Variants in HAPLN1 observed in about 807,000 individuals in gnomAD.
HAPLN1 encodes hyaluronan and proteoglycan link protein 1.
Under a neutral mutation model 36.5 loss-of-function variants are expected in HAPLN1, and 13 were observed. The observed-to-expected ratio is 0.36, with a 90% CI of 0.23 to 0.57. The LOEUF (loss-of-function observed/expected upper bound fraction) is 0.57, where lower values mean the gene tolerates loss of function less well. HAPLN1 is among the 20% of genes least tolerant of loss of function. The probability of loss-of-function intolerance (pLI) is 0.83; values close to 1 mark genes in which losing one functional copy is unlikely to be tolerated. For missense variants in HAPLN1, 407 were observed against 439.7 expected, an observed-to-expected ratio of 0.93 and a Z score of 0.66; for synonymous variants, 202 against 169.8, an observed-to-expected ratio of 1.19 and a Z score of -1.48.
At chr5:83,643,030 A>G (rs1749748727) in intron 4 of HAPLN1, among the ~76,000 whole-genome samples, 1 of 152,106 alleles carries the variant, frequency 6.6e-6, no homozygotes, top group Admixed American at 6.5e-5. Context: ...CCCTTTACAG[A>G]AAAAGATTGT....
chr5:83,672,970 T>C (rs1011073660), intron 2 of HAPLN1, among the ~76,000 whole-genome samples: 1 of 152,226 alleles, frequency 6.6e-6, no homozygotes, highest in Non-Finnish European at 1.5e-5. Context: ...CTGAAGCAGA[T>C]TATAATAGGG....
rs1285603044 is a variant in HAPLN1 at position 83,640,809 on chromosome 5, G to A, written c.*687C>T. ...TAAGAAGGTAGAAGTCTTTTTCATTGGTTAAATATTATCTGCTTATTTATG... is the reference window on the plus strand; with the variant it reads ...TAAGAAGGTAGAAGTCTTTTTCATTAGTTAAATATTATCTGCTTATTTATG... On this transcript the variant is annotated 3_prime_UTR_variant, in exon 5 of 5. Coordinates refer to ENST00000274341, the MANE Select transcript of HAPLN1 (RefSeq NM_001884.4). 2 of 151,674 alleles carry A rather than the reference G, an allele frequency of 1.3e-5. No individual in the cohort carries two copies. Among genetic ancestry groups the A allele is most frequent in the Non-Finnish European group, 2.9e-5 (2 of 67,920 alleles). The allele number at this position is 151,674 out of a possible 1,614,324, so 9.4% of individuals were successfully genotyped here.
At position 83,679,680 on chromosome 5, in the gene HAPLN1, A is replaced by C. The variant is rs984025841; in HGVS notation, c.-26-6131T>G. Among the ~76,000 whole-genome samples the C allele has an allele frequency of 8.5e-5, 13 of 152,316 alleles. No individual in the cohort carries two copies. The South Asian group carries it at 2.5e-3, about 29-fold the overall frequency. ...CTTACAACTATACTAGGAAAACAGTAACATGTAAATTGGAGCTATCCTGGA... is the reference window on the plus strand; with the variant it reads ...CTTACAACTATACTAGGAAAACAGTCACATGTAAATTGGAGCTATCCTGGA... On this transcript the variant is annotated intron_variant, in intron 1 of 4. Coordinates refer to ENST00000274341, the MANE Select transcript of HAPLN1 (RefSeq NM_001884.4).
At chr5:83,672,627 A>G (rs1241550016) in intron 2 of HAPLN1, among the ~76,000 whole-genome samples, 1 of 152,226 alleles carries the variant, frequency 6.6e-6, no homozygotes, top group Non-Finnish European at 1.5e-5. Context: ...TTGAAGATGT[A>G]ACTTAGAGTT....
intron 3 of HAPLN1, among the ~76,000 whole-genome samples, chr5:83,649,792 T>G (rs1411380093): frequency 6.6e-6 from 1 of 152,196 alleles, no homozygotes. Context: ...CCACATTGCA[T>G]GCACCCTTTT....
chr5:83,688,642 C>CTTTTTTTTTTTTTTTTT (rs539790396), intron 1 of HAPLN1, among the ~76,000 whole-genome samples: 1 of 80,560 alleles, frequency 1.2e-5, no homozygotes, highest in Non-Finnish European at 2.3e-5. Flanking sequence ...GCTTTTGATT[C>CTTTTTTTTTTTTTTTTT]TTTTTTTTTT....
chr5:83,684,953 A>G (rs1332763310), intron 1 of HAPLN1, among the ~76,000 whole-genome samples: 2 of 152,142 alleles, frequency 1.3e-5, no homozygotes, highest in East Asian at 1.9e-4. Flanking sequence ...AAGACTTCCA[A>G]TTTTTTATAG....
In HAPLN1 at chr5:83,656,196, C is replaced by T. The variant is rs1008644274; in HGVS notation, c.101-3372G>A. On this transcript the variant is annotated intron_variant, in intron 2 of 4. Coordinates refer to ENST00000274341, the MANE Select transcript of HAPLN1 (RefSeq NM_001884.4). The stretch of plus-strand genomic sequence containing the variant: ...TACAAAAATTAGACAGGCATGGTGG[C>T]GTGTGCCTATAGTCCCAGCTACTCG... 5.3e-5 allele frequency among the ~76,000 whole-genome samples: 8 copies of T among 151,658 alleles called. 1 individual carries two copies. Among genetic ancestry groups the T allele is most frequent in the Non-Finnish European group, 1.5e-5 (1 of 67,922 alleles).
intron 2 of HAPLN1, among the ~76,000 whole-genome samples, chr5:83,667,666 C>T (rs975574449): frequency 2.6e-5 from 4 of 152,064 alleles, no homozygotes; most frequent in Non-Finnish European, 5.9e-5. Context: ...GACAGAGTAA[C>T]ATGTATCCAG....
intron 2 of HAPLN1, among the ~76,000 whole-genome samples, chr5:83,664,140 T>C (rs1750490233): frequency 6.6e-6 from 1 of 152,174 alleles, no homozygotes; most frequent in Admixed American, 6.5e-5. Flanking sequence ...TGCAGTCTCT[T>C]GGGCTTCTTT....
intron 2 of HAPLN1, among the ~76,000 whole-genome samples, chr5:83,656,735 G>A (rs532938354): frequency 3.3e-5 from 5 of 152,274 alleles, no homozygotes; most frequent in Admixed American, 3.3e-4. Context: ...AGGGGAAACT[G>A]CAGGGCCTGG....
chr5:83,689,463 A>C (rs1264087247), intron 1 of HAPLN1, among the ~76,000 whole-genome samples: 1 of 93,674 alleles, frequency 1.1e-5, no homozygotes, highest in South Asian at 3.4e-4. Context: ...ACTGAACTAC[A>C]ACTTTTTTTT....
At chr5:83,656,968 C>G (rs1212230032) in intron 2 of HAPLN1, among the ~76,000 whole-genome samples, 1 of 152,088 alleles carries the variant, frequency 6.6e-6, no homozygotes, top group Non-Finnish European at 1.5e-5. Flanking sequence ...GACATTGGAC[C>G]ACTGCCTATT....
chr5:83,658,823 A>T (rs1750297130), intron 2 of HAPLN1, among the ~76,000 whole-genome samples: 1 of 152,114 alleles, frequency 6.6e-6, no homozygotes, highest in Admixed American at 6.5e-5. Flanking sequence ...TGTTCTTTCA[A>T]AGAGTTCATT....
chr5:83,693,527 C>T (rs1350012888), intron 1 of HAPLN1, among the ~76,000 whole-genome samples: 5 of 151,628 alleles, frequency 3.3e-5, no homozygotes, highest in Non-Finnish European at 5.9e-5. Flanking sequence ...TATAAACCTC[C>T]ATTGAAAGGC....
chr5:83,655,455 A>C (rs1750183119), intron 2 of HAPLN1, among the ~76,000 whole-genome samples: 1 of 152,082 alleles, frequency 6.6e-6, no homozygotes, highest in African/African-American at 2.4e-5. Context: ...ACCCTCACCC[A>C]AAATAGTTTT....
At chr5:83,682,890 A>C (rs566759287) in intron 1 of HAPLN1, among the ~76,000 whole-genome samples, 1 of 152,080 alleles carries the variant, frequency 6.6e-6, no homozygotes, top group African/African-American at 2.4e-5. Flanking sequence ...AATAATTCTC[A>C]TTTACAACTT....
intron 3 of HAPLN1, among the ~76,000 whole-genome samples, chr5:83,647,741 C>T (rs568347294): frequency 6.6e-6 from 1 of 152,070 alleles, no homozygotes; most frequent in Non-Finnish European, 1.5e-5. Context: ...ATCCTCCATA[C>T]TTATATGTCA....
Position 83,652,830 on chromosome 5 carries a change from ATT to A in HAPLN1, c.101-8_101-7del, listed in dbSNP as rs1561302921. On this transcript the variant is annotated splice_polypyrimidine_tract_variant and splice_region_variant and intron_variant, in intron 2 of 4. Transcript: ENST00000274341. ...TAGATGGGGGCCATTTTCTGCTATAATTAAAAAGGAAAAAAAAAAGAAAATAA... is the reference window on the plus strand; with the variant it reads ...TAGATGGGGGCCATTTTCTGCTATAAAAAAAGGAAAAAAAAAAGAAAATAA... The A allele has an allele frequency of 1.3e-6, 2 of 1,557,760 alleles. No individual in the cohort carries two copies. Among genetic ancestry groups the A allele is most frequent in the Non-Finnish European group, 8.7e-7 (1 of 1,155,426 alleles).
Sources: allele counts gnomAD v4.1 joint callset (sites outside exome capture counted in the v4.1 genomes callset), GRCh38; gene constraint gnomAD v4.1.1; transcripts MANE v1.5; gene names NCBI Gene and HGNC (gene_info 2026-07-23, HGNC 2026-07-21).